Variants in LIPC observed in about 807,000 individuals in gnomAD.
LIPC encodes the protein lipase C, hepatic type.
A neutral mutation model predicts 50.7 loss-of-function variants in LIPC; 44 were observed. The observed-to-expected ratio is 0.87, with a 90% CI of 0.68 to 1.11. LIPC has a LOEUF of 1.11. Among genes scored for constraint, LIPC ranks in the 50% most tolerant of loss-of-function variants. The probability of loss-of-function intolerance (pLI) is 0.00; values close to 1 mark genes in which losing one functional copy is unlikely to be tolerated. For synonymous variants in LIPC, 271 were observed against 256.4 expected (o/e 1.06, Z -0.54); for missense variants, 697 against 648.2 (o/e 1.08, Z -0.82).
At chr15:58,437,787 A>T (rs1284508007) in intron 1 of LIPC, among the ~76,000 whole-genome samples, 3 of 152,228 alleles carry the variant, frequency 2.0e-5, no homozygotes, top group Non-Finnish European at 2.9e-5. Flanking sequence ...TTCTTCCAAG[A>T]GTGCGTACTA....
intron 6 of LIPC, among the ~76,000 whole-genome samples, chr15:58,554,662 AT>A (rs1470854903): frequency 6.6e-6 from 1 of 151,946 alleles, no homozygotes; most frequent in African/African-American, 2.4e-5. Context: ...TGGGAGGCCA[AT>A]GCAGGAGGAT....
rs765991775 is a variant in LIPC, at chr15:58,538,420, A to G, written c.176A>G (p.Asn59Ser). 7.4e-6 allele frequency: 12 copies of G among 1,614,218 alleles called. No individual in the cohort carries two copies. The highest frequency in any genetic ancestry group is 9.3e-6 in the Non-Finnish European group (11 of 1,180,046). The change falls in exon 2 of 9, where the codon AAT becomes AGT. Residue 59 changes from asparagine to serine, a missense_variant. Coordinates refer to ENST00000299022, the MANE Select transcript of LIPC (RefSeq NM_000236.3). ...KTRFLLFGET[N>S]QGCQIRINHP... is the part of the protein sequence containing the mutation. ...AGATTCCTGCTCTTTGGAGAAACCA[A>G]TCAGGGCTGTCAGATTCGAATCAAT...
intron 1 of LIPC, among the ~76,000 whole-genome samples, chr15:58,448,425 A>G (rs1893778444): frequency 1.3e-5 from 2 of 152,150 alleles, no homozygotes; most frequent in Non-Finnish European, 2.9e-5. Context: ...CTAACTTCAC[A>G]CGCATTTATC....
chr15:58,536,184 A>G (rs1425958319), intron 1 of LIPC, among the ~76,000 whole-genome samples: 1 of 152,212 alleles, frequency 6.6e-6, no homozygotes, highest in Non-Finnish European at 1.5e-5. Context: ...GAGGCTGTGA[A>G]GTCTCAGTTC....
At chr15:58,516,316 A>G (rs1474558021) in intron 1 of LIPC, among the ~76,000 whole-genome samples, 1 of 108,630 alleles carries the variant, frequency 9.2e-6, no homozygotes, top group East Asian at 2.6e-4. Context: ...AGTTTCCCTC[A>G]TATTTTTTGT....
chr15:58,495,552 C>G (rs1027962015), intron 1 of LIPC, among the ~76,000 whole-genome samples: 1 of 152,224 alleles, frequency 6.6e-6, no homozygotes, highest in Non-Finnish European at 1.5e-5. Context: ...GTGCCAGGCA[C>G]TGTTCTACCT....
At chr15:58,543,080 C>A (rs998958373) in intron 4 of LIPC, among the ~76,000 whole-genome samples, 2 of 152,142 alleles carry the variant, frequency 1.3e-5, no homozygotes, top group Non-Finnish European at 2.9e-5. Flanking sequence ...ATGTTTTAGT[C>A]TGGGACCCAT....
intron 8 of LIPC, chr15:58,566,222 T>A: frequency 1.0e-6 from 1 of 985,414 alleles, no homozygotes; most frequent in Non-Finnish European, 1.2e-6. Flanking sequence ...AAGAAGAAAG[T>A]TCAGACCCGT....
intron 6 of LIPC, among the ~76,000 whole-genome samples, chr15:58,558,132 G>A (rs758706720): frequency 6.6e-6 from 1 of 151,710 alleles, no homozygotes; most frequent in East Asian, 1.9e-4. Context: ...GAGTGCAGTG[G>A]TGCAATCTCA....
At chr15:58,451,851 C>T (rs922787967) in intron 1 of LIPC, among the ~76,000 whole-genome samples, 2 of 152,142 alleles carry the variant, frequency 1.3e-5, no homozygotes, top group African/African-American at 2.4e-5. Flanking sequence ...CCTTGCTCCC[C>T]GCTAGAAGGT....
chr15:58,541,975 C>A lies in LIPC; in HGVS notation c.456+8C>A. 6.2e-7 allele frequency: 1 copy of A among 1,603,498 alleles called. No individual in the cohort carries two copies. The highest frequency in any genetic ancestry group is 8.5e-7 in the Non-Finnish European group (1 of 1,176,940). On this transcript the variant is annotated splice_region_variant and intron_variant, in intron 3 of 8. Coordinates refer to ENST00000299022, the MANE Select transcript of LIPC (RefSeq NM_000236.3). ...CTTCTCCGGTGGCTGGAGGTACCGA[C>A]CTGCCCCATCCTTCCTTCACCTCCC...
At chr15:58,464,218 G>C (rs1307305154) in intron 1 of LIPC, among the ~76,000 whole-genome samples, 2 of 151,956 alleles carry the variant, frequency 1.3e-5, no homozygotes, top group African/African-American at 4.8e-5. Flanking sequence ...GACTTTATTG[G>C]CTCAAGTTTC....
intron 1 of LIPC, among the ~76,000 whole-genome samples, chr15:58,520,581 A>G (rs1303265468): frequency 1.3e-5 from 2 of 152,192 alleles, no homozygotes; most frequent in Non-Finnish European, 2.9e-5. Context: ...GAATTTCCTC[A>G]GTTGCATCCT....
At chr15:58,522,865 G>A (rs752519505) in intron 1 of LIPC, 6 of 152,282 alleles carry the variant, frequency 3.9e-5, no homozygotes, top group Non-Finnish European at 5.9e-5. Flanking sequence ...AAAAAGCTCG[G>A]CACATCTTAG....
intron 6 of LIPC, among the ~76,000 whole-genome samples, chr15:58,553,471 C>T (rs1161637679): frequency 6.6e-6 from 1 of 152,204 alleles, no homozygotes; most frequent in Non-Finnish European, 1.5e-5. Flanking sequence ...TGGTGCATGT[C>T]TGTAGTCCCA....
chr15:58,461,606 T>C (rs1000100820), intron 1 of LIPC, among the ~76,000 whole-genome samples: 5 of 151,620 alleles, frequency 3.3e-5, no homozygotes, highest in East Asian at 1.9e-4. Context: ...TTAGTAGATA[T>C]GGAGTTTCAC....
chr15:58,445,079 G>T (rs996676022), intron 1 of LIPC, among the ~76,000 whole-genome samples: 1 of 152,218 alleles, frequency 6.6e-6, no homozygotes, highest in Non-Finnish European at 1.5e-5. Flanking sequence ...CCGGCTGGCC[G>T]GCCGCTAGCA....
intron 1 of LIPC, among the ~76,000 whole-genome samples, chr15:58,447,094 A>G (rs1396579409): frequency 7.3e-6 from 1 of 136,190 alleles, no homozygotes; most frequent in Non-Finnish European, 1.5e-5. Flanking sequence ...GGTTGCAGTG[A>G]GCCGAGATTG....
At chr15:58,477,206 A>C (rs1042847604) in intron 1 of LIPC, among the ~76,000 whole-genome samples, 84 of 152,196 alleles carry the variant, frequency 5.5e-4, no homozygotes, top group African/African-American at 2.0e-3. Flanking sequence ...GCTATCTCCT[A>C]CCTTTTTAAA....
Sources: allele counts gnomAD v4.1 joint callset (sites outside exome capture counted in the v4.1 genomes callset), GRCh38; gene constraint gnomAD v4.1.1; transcripts MANE v1.5; gene names NCBI Gene and HGNC (gene_info 2026-07-23, HGNC 2026-07-21).